The following HTR3B variants were observed in gnomAD, a reference collection of about 807,000 sequenced individuals.
The protein encoded by HTR3B is 5-hydroxytryptamine (serotonin) receptor 3B, ionotropic.
In HTR3B, 44 loss-of-function variants were observed where a neutral mutation model predicts 42.8. The ratio of observed to expected loss-of-function variants is 1.03; its 90% CI spans 0.81 to 1.32. The LOEUF (loss-of-function observed/expected upper bound fraction) is 1.32. Among genes scored for constraint, HTR3B ranks in the 40% most tolerant of loss-of-function variants. HTR3B has a pLI of 0.00. For synonymous variants in HTR3B, 203 were observed against 209.0 expected (o/e 0.97, Z 0.25); for missense variants, 527 against 536.5 (o/e 0.98, Z 0.17).
chr11:113,919,723 G>A (rs571452562), intron 2 of HTR3B, among the ~76,000 whole-genome samples: 2 of 152,022 alleles, frequency 1.3e-5, no homozygotes, highest in East Asian at 3.9e-4. Context: ...AGCTACTTGG[G>A]AGACCGAGGC....
At chr11:113,924,758 C>A (rs1051854523) in intron 2 of HTR3B, among the ~76,000 whole-genome samples, 2 of 151,832 alleles carry the variant, frequency 1.3e-5, no homozygotes, top group African/African-American at 4.8e-5. Context: ...TCCATCTGCT[C>A]CAAGTTGTTC....
chr11:113,931,430 T>C lies in HTR3B; in HGVS notation c.258+2T>C, dbSNP rs1463133833. Reference sequence around the variant, plus strand: ...AAGACAAGTGTATGGTACCAAGAGGTAAATAATTATGTTTTCTTCTAAATA... The same window carrying C: ...AAGACAAGTGTATGGTACCAAGAGGCAAATAATTATGTTTTCTTCTAAATA... On this transcript the variant is annotated splice_donor_variant, in intron 3 of 8. Coordinates refer to ENST00000260191, the MANE Select transcript of HTR3B (RefSeq NM_006028.5). LOFTEE classifies it high-confidence loss of function. The C allele has an allele frequency of 1.3e-6, 2 of 1,572,392 alleles. No homozygotes were observed. The highest frequency in any genetic ancestry group is 1.4e-5 in the African/African-American group (1 of 73,626).
chr11:113,945,815 A>G, intron 8 of HTR3B, 87 bp from the exon 9 acceptor site: 2 of 924,158 alleles, frequency 2.2e-6, no homozygotes, highest in Admixed American at 2.0e-5. Context: ...ACTTTCCTTG[A>G]AGGATGAGGC....
At chr11:113,940,534 T>A (rs941960936) in intron 6 of HTR3B, among the ~76,000 whole-genome samples, 24 of 152,262 alleles carry the variant, frequency 1.6e-4, no homozygotes, top group African/African-American at 5.8e-4. Flanking sequence ...CTTTCCTTGT[T>A]GACTGCACTT....
At chr11:113,910,103 GATA>G (rs1316609122) in intron 2 of HTR3B, among the ~76,000 whole-genome samples, 2 of 150,732 alleles carry the variant, frequency 1.3e-5, no homozygotes, top group East Asian at 3.9e-4. Context: ...CATTTATTAT[GATA>G]ATAACAGATT....
chr11:113,920,937 C>T (rs1949905688), intron 2 of HTR3B, among the ~76,000 whole-genome samples: 2 of 151,778 alleles, frequency 1.3e-5, no homozygotes, highest in Non-Finnish European at 2.9e-5. Context: ...CTCAGCCTCC[C>T]AAGTAGCTGG....
chr11:113,926,881 T>A (rs907047411), intron 2 of HTR3B, among the ~76,000 whole-genome samples: 1 of 152,304 alleles, frequency 6.6e-6, no homozygotes, highest in East Asian at 1.9e-4. Flanking sequence ...CAGCAATGTT[T>A]GAGGGCTCCA....
chr11:113,944,792 T>C lies in HTR3B; in HGVS notation c.1090+37T>C, dbSNP rs764088200. 1.4e-5 allele frequency: 22 copies of C among 1,591,308 alleles called. 1 individual carries two copies. The highest frequency in any genetic ancestry group is 7.8e-5 in the South Asian group (7 of 89,780). On this transcript the variant is annotated intron_variant, in intron 8 of 8. Coordinates refer to ENST00000260191, the MANE Select transcript of HTR3B (RefSeq NM_006028.5). ...GCCTTGTGTTTCTCCCCCGTCTGGA[T>C]TGATCACCTTAAAAATTCATTCCCG...
intron 6 of HTR3B, among the ~76,000 whole-genome samples, chr11:113,938,313 A>G (rs1407064939): frequency 6.6e-6 from 1 of 152,050 alleles, no homozygotes; most frequent in Non-Finnish European, 1.5e-5. Context: ...ACATCCCCCA[A>G]AGTTTAACCC....
At chr11:113,941,084 A>T (rs1950131346) in intron 6 of HTR3B, among the ~76,000 whole-genome samples, 1 of 152,208 alleles carries the variant, frequency 6.6e-6, no homozygotes, top group South Asian at 2.1e-4. Flanking sequence ...TGCAGCGAGG[A>T]TTAAATAAAT....
intron 6 of HTR3B, among the ~76,000 whole-genome samples, chr11:113,936,617 T>A (rs1950094387): frequency 6.6e-6 from 1 of 152,162 alleles, no homozygotes. Flanking sequence ...TCAAGTGATG[T>A]GGGAATCACA....
Position 113,931,860 on chromosome 11 carries a change from A to G in HTR3B, c.361A>G (p.Asn121Asp). 9 of 1,558,778 alleles carry G rather than the reference A, an allele frequency of 5.8e-6. No individual in the cohort carries two copies. Among genetic ancestry groups the G allele is most frequent in the Non-Finnish European group, 8.0e-6 (9 of 1,129,568 alleles). ...CATCTGGGCCCCCGATATCATCATC[A>G]ATGAGTTGTAAGTGTGCCAGTGTGT... ...SAIWAPDIII[N>D]EFVDIERYPD... is the part of the protein sequence containing the mutation. The change falls in exon 4 of 9, where the codon AAT becomes GAT. Residue 121 changes from asparagine (N) to aspartate (D), a missense_variant. Asn to Asp is a conservative substitution (Grantham distance 23, BLOSUM62 1). Coordinates refer to ENST00000260191, the MANE Select transcript of HTR3B (RefSeq NM_006028.5).
At chr11:113,935,844 G>A (rs1455912574) in intron 6 of HTR3B, among the ~76,000 whole-genome samples, 1 of 152,160 alleles carries the variant, frequency 6.6e-6, no homozygotes, top group Non-Finnish European at 1.5e-5. Context: ...GTCAGGAGAA[G>A]CAATAATCTA....
intron 1 of HTR3B, among the ~76,000 whole-genome samples, chr11:113,907,417 C>T (rs1949742107): frequency 6.6e-6 from 1 of 152,156 alleles, no homozygotes; most frequent in African/African-American, 2.4e-5. Flanking sequence ...TGATCTTTCT[C>T]CTCAGGCAAA....
chr11:113,913,648 G>A (rs1421946435), intron 2 of HTR3B, among the ~76,000 whole-genome samples: 2 of 151,836 alleles, frequency 1.3e-5, no homozygotes, highest in African/African-American at 4.8e-5. Context: ...CCGAGTAGCT[G>A]GGACTACAGG....
intron 2 of HTR3B, among the ~76,000 whole-genome samples, chr11:113,916,197 A>G (rs1045465400): frequency 6.6e-6 from 1 of 152,146 alleles, no homozygotes; most frequent in Non-Finnish European, 1.5e-5. Flanking sequence ...GTAGTTTTTA[A>G]TTTTTATTTC....
intron 2 of HTR3B, among the ~76,000 whole-genome samples, chr11:113,910,485 G>T (rs1364824241): frequency 1.3e-5 from 2 of 149,972 alleles, no homozygotes; most frequent in African/African-American, 4.9e-5. Context: ...CTGTCACCCA[G>T]GCTGGAGTCC....
upstream of HTR3B, among the ~76,000 whole-genome samples, chr11:113,900,801 C>A (rs774526911): frequency 2.0e-5 from 3 of 151,978 alleles, no homozygotes; most frequent in Non-Finnish European, 2.9e-5. Context: ...GCTGGGGAGA[C>A]CTCAGGAAAC....
chr11:113,944,934 G>T (rs192504215), intron 8 of HTR3B, among the ~76,000 whole-genome samples, 179 bp downstream of exon 8: 115 of 152,208 alleles, frequency 7.6e-4, no homozygotes, highest in Non-Finnish European at 1.2e-3. Context: ...CCTGCTTCTG[G>T]CTTTCTAGAA....
Sources: allele counts gnomAD v4.1 joint callset (sites outside exome capture counted in the v4.1 genomes callset), GRCh38; gene constraint gnomAD v4.1.1; transcripts MANE v1.5; gene names NCBI Gene and HGNC (gene_info 2026-07-23, HGNC 2026-07-21).